The following DLG2 variants were observed in gnomAD, a reference collection of about 807,000 sequenced individuals.
The protein encoded by DLG2 is discs large MAGUK scaffold protein 2, also known as disks large homolog 2.
A neutral mutation model predicts 132.5 loss-of-function variants in DLG2; 45 were observed. The observed-to-expected ratio is 0.34, with a 90% CI of 0.27 to 0.44. The LOEUF (loss-of-function observed/expected upper bound fraction) is 0.44, where lower values mean the gene tolerates loss of function less well. Ranked by LOEUF, DLG2 falls within the 20% of genes least tolerant of loss-of-function variation. The pLI, the probability that DLG2 is intolerant of heterozygous loss-of-function variation, is 1.00. For synonymous variants in DLG2, 424 were observed against 419.6 expected (o/e 1.01, Z -0.13); for missense variants, 1,045 against 1,196.9 (o/e 0.87, Z 1.87).
chr11:83,969,464 C>T (rs1171604668), intron 12 of DLG2, among the ~76,000 whole-genome samples: 1 of 152,192 alleles, frequency 6.6e-6, no homozygotes, highest in African/African-American at 2.4e-5. Flanking sequence ...TGGAAAGCAG[C>T]TTAACATATC....
intron 5 of DLG2, among the ~76,000 whole-genome samples, chr11:85,125,247 C>T (rs765513941): frequency 8.5e-5 from 13 of 152,106 alleles, no homozygotes; most frequent in African/African-American, 1.2e-4. Flanking sequence ...TTATAAAGGA[C>T]AATACTCTCA....
At chr11:84,755,228 T>C (rs1354189156) in intron 6 of DLG2, among the ~76,000 whole-genome samples, 1 of 152,208 alleles carries the variant, frequency 6.6e-6, no homozygotes, top group Non-Finnish European at 1.5e-5. Context: ...AGAAAAATAT[T>C]AACCCAAGTA....
chr11:84,001,129 T>G (rs2094323854), intron 11 of DLG2, among the ~76,000 whole-genome samples: 1 of 152,174 alleles, frequency 6.6e-6, no homozygotes, highest in African/African-American at 2.4e-5. Flanking sequence ...TTAAATTCTT[T>G]ACTTAAAAGA....
chr11:84,982,598 T>C (rs1015181662), intron 6 of DLG2, among the ~76,000 whole-genome samples: 1 of 152,212 alleles, frequency 6.6e-6, no homozygotes, highest in African/African-American at 2.4e-5. Flanking sequence ...GTAGCCTTGT[T>C]GTTAGATCTG....
chr11:85,376,809 G>A (rs2085441679), intron 3 of DLG2, among the ~76,000 whole-genome samples: 1 of 152,286 alleles, frequency 6.6e-6, no homozygotes, highest in East Asian at 1.9e-4. Flanking sequence ...TGGTATGATA[G>A]TGAGAGTGAT....
chr11:84,524,644 T>C (rs1329533381), intron 7 of DLG2, among the ~76,000 whole-genome samples: 6 of 152,218 alleles, frequency 3.9e-5, no homozygotes, highest in African/African-American at 1.4e-4. Context: ...TCTCAGCTAC[T>C]TCCACCATCT....
At chr11:84,930,735 G>A (rs865872867) in intron 6 of DLG2, among the ~76,000 whole-genome samples, 2 of 152,152 alleles carry the variant, frequency 1.3e-5, no homozygotes, top group African/African-American at 4.8e-5. Flanking sequence ...ATCAAGACTG[G>A]ATCTTTCTCT....
At chr11:85,248,418 A>T (rs1245702426) in intron 4 of DLG2, among the ~76,000 whole-genome samples, 1 of 151,854 alleles carries the variant, frequency 6.6e-6, no homozygotes, top group Non-Finnish European at 1.5e-5. Flanking sequence ...TTTTTTTTTT[A>T]ATTAAAGATT....
intron 3 of DLG2, among the ~76,000 whole-genome samples, chr11:85,400,611 G>A (rs1450384519): frequency 1.5e-4 from 21 of 144,294 alleles, no homozygotes; most frequent in African/African-American, 4.9e-4. Context: ...CATAAAAAAT[G>A]ATGAGTTCAT....
At chr11:84,217,370 A>G (rs901218964) in intron 8 of DLG2, among the ~76,000 whole-genome samples, 2 of 152,242 alleles carry the variant, frequency 1.3e-5, no homozygotes, top group East Asian at 1.9e-4. Context: ...GTCTTATTAG[A>G]TCTGATGGCT....
intron 7 of DLG2, among the ~76,000 whole-genome samples, chr11:84,282,245 G>A (rs2097860792): frequency 1.3e-5 from 2 of 152,156 alleles, no homozygotes; most frequent in Admixed American, 1.3e-4. Context: ...TTGAGTGAAA[G>A]AGGACAAACA....
intron 11 of DLG2, among the ~76,000 whole-genome samples, chr11:84,033,945 T>A (rs185562368): frequency 7.6e-4 from 115 of 152,084 alleles, no homozygotes; most frequent in African/African-American, 2.7e-3. Context: ...GCCGGGCATG[T>A]TGGCACATGC....
intron 6 of DLG2, among the ~76,000 whole-genome samples, chr11:84,703,724 G>A (rs1392205483): frequency 6.6e-6 from 1 of 151,030 alleles, no homozygotes; most frequent in Non-Finnish European, 1.5e-5. Context: ...CAATTTTGAA[G>A]ATATTCTCAG....
At position 84,996,727 on chromosome 11, in the gene DLG2, A is replaced by T. The variant is rs551711317; in HGVS notation, c.357+114934T>A. On this transcript the variant is annotated intron_variant, in intron 6 of 27. Coordinates refer to ENST00000376104, the MANE Select transcript of DLG2 (RefSeq NM_001142699.3). ...ACACAGTAAATATGAGGTAACATGA[A>T]ATCACACCACTATCTGATTTACAGC... Among the ~76,000 whole-genome samples, 374 of 152,318 alleles carry T rather than the reference A, an allele frequency of 2.5e-3. 3 individuals are homozygous for T. Among genetic ancestry groups the T allele is most frequent in the Non-Finnish European group, 4.1e-3 (279 of 68,038 alleles).
chr11:84,276,925 C>A (rs1476849589), intron 7 of DLG2, among the ~76,000 whole-genome samples: 1 of 152,146 alleles, frequency 6.6e-6, no homozygotes, highest in African/African-American at 2.4e-5. Flanking sequence ...CAAGAATGCA[C>A]ATGAGACAAA....
intron 19 of DLG2, among the ~76,000 whole-genome samples, chr11:83,557,040 C>T (rs663399): frequency 0.47 from 71,920 of 151,972 alleles, 17,599 homozygotes; most frequent in Admixed American, 0.57. Context: ...CTGGGGACCA[C>T]CTTGAAACTG....
chr11:83,605,007 C>CAGAG (rs71066055), intron 19 of DLG2, among the ~76,000 whole-genome samples: 2,796 of 129,886 alleles, frequency 0.022, 101 homozygotes, highest in African/African-American at 0.054. Context: ...TTTTCAAAGA[C>CAGAG]AGAGAGAGAG....
chr11:84,303,297 ATAAC>A (rs965061320), intron 7 of DLG2, among the ~76,000 whole-genome samples: 4 of 152,172 alleles, frequency 2.6e-5, no homozygotes, highest in Non-Finnish European at 5.9e-5. Flanking sequence ...AATGTCATGG[ATAAC>A]TAACTATAAT....
intron 21 of DLG2, among the ~76,000 whole-genome samples, chr11:83,497,534 CAAAAACA>C (rs762133392): frequency 2.4e-3 from 202 of 84,266 alleles, no homozygotes; most frequent in African/African-American, 6.0e-3. Flanking sequence ...GACTTCGTCT[CAAAAACA>C]AAAAACAAAA....
Sources: gnomAD v4.1 joint callset for allele counts (sites outside exome capture counted in the v4.1 genomes callset) on GRCh38, gnomAD v4.1.1 for gene constraint, MANE v1.5 for transcripts, NCBI Gene and HGNC (gene_info 2026-07-23, HGNC 2026-07-21) for gene names.